The following YAF2 variants were observed in gnomAD, a reference collection of about 807,000 sequenced individuals.
YAF2 encodes the protein YY1 associated factor 2.
Under a neutral mutation model 20.1 loss-of-function variants are expected in YAF2, and 7 were observed. That is an observed-to-expected ratio of 0.35 (90% CI 0.20 to 0.65). The LOEUF is 0.65. YAF2 is among the 30% of genes least tolerant of loss of function. The probability of loss-of-function intolerance (pLI) is 0.69; values close to 1 mark genes in which losing one functional copy is unlikely to be tolerated. For missense variants in YAF2, 151 were observed against 219.2 expected (o/e 0.69, Z 1.96); for synonymous variants, 74 against 76.0 (o/e 0.97, Z 0.14).
At position 42,173,917 on chromosome 12, in the gene YAF2, A is replaced by G. The variant is rs116282737; in HGVS notation, c.153-12152T>C. Among the ~76,000 whole-genome samples the G allele has an allele frequency of 7.3e-3, 1,105 of 152,126 alleles. 13 individuals carry two copies. The highest frequency in any genetic ancestry group is 0.025 in the African/African-American group (1,045 of 41,478). On this transcript the variant is annotated intron_variant, in intron 2 of 3. Transcript: ENST00000534854. ...TCCACAGCCTTCCATCTGTACCGAC[A>G]TAGTCTGACTTCCCTACCCTTACTC...
chr12:42,223,413 C>T (rs749633479), intron 2 of YAF2, among the ~76,000 whole-genome samples: 12 of 152,004 alleles, frequency 7.9e-5, no homozygotes, highest in Non-Finnish European at 1.3e-4. Context: ...AATGAAGTGC[C>T]AGCTGTTTCA....
At chr12:42,225,729 C>T (rs1255700801) in intron 2 of YAF2, among the ~76,000 whole-genome samples, 1 of 152,074 alleles carries the variant, frequency 6.6e-6, no homozygotes, top group Non-Finnish European at 1.5e-5. Flanking sequence ...TCTGTTCTAT[C>T]GGTCTATATG....
intron 2 of YAF2, among the ~76,000 whole-genome samples, chr12:42,225,430 T>C (rs1390224243): frequency 6.6e-6 from 1 of 152,186 alleles, no homozygotes; most frequent in Non-Finnish European, 1.5e-5. Flanking sequence ...TCATGAAGTC[T>C]TTGCCCATGC....
intron 2 of YAF2, among the ~76,000 whole-genome samples, chr12:42,223,355 C>CACACACACACAT (rs947742046): frequency 6.7e-6 from 1 of 149,942 alleles, no homozygotes; most frequent in African/African-American, 2.5e-5. Context: ...CACACACACA[C>CACACACACACAT]ATATATATAC....
chr12:42,210,277 A>T, intron 2 of YAF2: 2 of 838,418 alleles, frequency 2.4e-6, no homozygotes, highest in Non-Finnish European at 3.5e-6. Flanking sequence ...CTTTCTTTTC[A>T]ATTAAACAAA....
At chr12:42,175,257 A>T (rs1307704883) in intron 2 of YAF2, among the ~76,000 whole-genome samples, 1 of 152,180 alleles carries the variant, frequency 6.6e-6, no homozygotes, top group African/African-American at 2.4e-5. Flanking sequence ...TTGGACCAAA[A>T]AAATACACAC....
chr12:42,208,017 T>C (rs1232734581), intron 2 of YAF2, among the ~76,000 whole-genome samples: 1 of 152,234 alleles, frequency 6.6e-6, no homozygotes, highest in Non-Finnish European at 1.5e-5. Flanking sequence ...TAAAATCCTA[T>C]GCTTGCTCTC....
intron 2 of YAF2, among the ~76,000 whole-genome samples, chr12:42,217,795 T>C (rs555405047): frequency 4.6e-5 from 7 of 152,290 alleles, no homozygotes; most frequent in Non-Finnish European, 5.9e-5. Flanking sequence ...TCATCACTTT[T>C]AGCAAAGAAT....
intron 2 of YAF2, chr12:42,232,543 TGAACAACTA>T: frequency 1.0e-6 from 1 of 985,436 alleles, no homozygotes; most frequent in Non-Finnish European, 1.2e-6. Flanking sequence ...AAGGAGTCTC[TGAACAACTA>T]AATGGTTGCT....
chr12:42,159,126 T>A lies in YAF2; in HGVS notation c.*1463A>T, dbSNP rs1307643977. Reference sequence around the variant, plus strand: ...TCTTACAAAAAAGACAGTACCACTGTGCCTGTAAAAAGTACTGTAATTAAA... The same window carrying A: ...TCTTACAAAAAAGACAGTACCACTGAGCCTGTAAAAAGTACTGTAATTAAA... On this transcript the variant is annotated 3_prime_UTR_variant, in exon 4 of 4. Coordinates refer to ENST00000534854, the MANE Select transcript of YAF2 (RefSeq NM_005748.6). The A allele has an allele frequency of 6.6e-6, 1 of 152,204 alleles. No individual in the cohort carries two copies. The highest frequency in any genetic ancestry group is 1.5e-5 in the Non-Finnish European group (1 of 68,016). 9.4% of individuals were successfully genotyped at this position (152,204 alleles called of 1,614,324 possible).
intron 2 of YAF2, among the ~76,000 whole-genome samples, chr12:42,230,054 G>A (rs2137405233): frequency 6.6e-6 from 1 of 152,138 alleles, no homozygotes; most frequent in East Asian, 1.9e-4. Flanking sequence ...GTCAGGAGAT[G>A]GAGACCATCC....
At chr12:42,210,447 C>T in intron 2 of YAF2, 1 of 1,534,856 alleles carries the variant, frequency 6.5e-7, no homozygotes, top group Non-Finnish European at 8.7e-7. Context: ...GATGGGCATC[C>T]ACTGGAACTG....
intron 2 of YAF2, among the ~76,000 whole-genome samples, chr12:42,188,510 TGA>T (rs952706561): frequency 1.3e-5 from 2 of 151,178 alleles, no homozygotes; most frequent in Non-Finnish European, 2.9e-5. Flanking sequence ...CTCAGCCTCC[TGA>T]GTAGCTGGGA....
intron 2 of YAF2, among the ~76,000 whole-genome samples, chr12:42,197,605 G>C (rs1266431523): frequency 1.3e-5 from 2 of 152,198 alleles, no homozygotes; most frequent in African/African-American, 4.8e-5. Flanking sequence ...GATTCCGCTG[G>C]AATAGAGGTG....
chr12:42,201,655 T>C (rs913731002), intron 2 of YAF2, among the ~76,000 whole-genome samples: 1 of 152,124 alleles, frequency 6.6e-6, no homozygotes, highest in Non-Finnish European at 1.5e-5. Flanking sequence ...CACTGCAACC[T>C]CCACCTCCTG....
At chr12:42,227,051 A>ACCGACCGCAGCCGCCGCCGC (rs2067731388) in intron 2 of YAF2, among the ~76,000 whole-genome samples, 10 of 143,922 alleles carry the variant, frequency 6.9e-5, no homozygotes, top group Admixed American at 4.8e-4. Flanking sequence ...CGCTGCCGCG[A>ACCGACCGCAGCCGCCGCCGC]CCGACCGCAG....
rs2066709946 is a variant in YAF2 at position 42,194,891 on chromosome 12, C to CT, written c.153-33127dup. 2.0e-5 allele frequency among the ~76,000 whole-genome samples: 3 copies of CT among 152,282 alleles called. No individual in the cohort carries two copies. In the East Asian group the frequency reaches 5.8e-4, roughly 29 times the overall value. On this transcript the variant is annotated intron_variant, in intron 2 of 3. Transcript: ENST00000534854. Reference sequence around the variant, plus strand: ...CACACAAATGAAGCTGTGTAACTCTCTAATAGTTCACATGTAAATAAATGA... The same window carrying CT: ...CACACAAATGAAGCTGTGTAACTCTCTTAATAGTTCACATGTAAATAAATGA...
chr12:42,218,748 A>G (rs551154659), intron 2 of YAF2, among the ~76,000 whole-genome samples: 103 of 152,302 alleles, frequency 6.8e-4, no homozygotes, highest in African/African-American at 2.4e-3. Context: ...TGAATTTAAC[A>G]TATGTTTCAT....
At chr12:42,176,896 G>C (rs1031397401) in intron 2 of YAF2, among the ~76,000 whole-genome samples, 12 of 152,248 alleles carry the variant, frequency 7.9e-5, no homozygotes, top group Middle Eastern at 3.4e-3. Context: ...GAACCCAGGA[G>C]GGGGAGGTTG....
Sources: gnomAD v4.1 joint callset for allele counts (sites outside exome capture counted in the v4.1 genomes callset) on GRCh38, gnomAD v4.1.1 for gene constraint, MANE v1.5 for transcripts, NCBI Gene and HGNC (gene_info 2026-07-23, HGNC 2026-07-21) for gene names.